AVEN: variants seen among roughly 807,000 people sequenced by gnomAD.
AVEN encodes the protein apoptosis and caspase activation inhibitor.
AVEN carries 41 observed loss-of-function variants against 38.1 expected under a neutral mutation model. That is an observed-to-expected ratio of 1.08 (90% CI 0.84 to 1.40). The LOEUF (loss-of-function observed/expected upper bound fraction) is 1.40, where lower values mean the gene tolerates loss of function less well. Ranked by LOEUF, AVEN falls within the 40% of genes most tolerant of loss-of-function variation. The pLI is 0.00. For missense variants in AVEN, 605 were observed against 438.8 expected (o/e 1.38, Z -3.38); for synonymous variants, 206 against 171.8 (o/e 1.20, Z -1.56).
At position 34,023,118 on chromosome 15, in the gene AVEN, C is replaced by T. The variant is rs79477724; in HGVS notation, c.267+15662G>A. Among the ~76,000 whole-genome samples the T allele has an allele frequency of 6.0e-3, 908 of 152,172 alleles. 20 individuals carry two copies. Among genetic ancestry groups the T allele is most frequent in the Admixed American group, 0.043 (658 of 15,280 alleles). ...AGAACTGCTTGAACCCAGGCAGAGG[C>T]TGCAGTGAACTGAGATCGCGCCACT... On this transcript the variant is annotated intron_variant, in intron 1 of 5. Transcript: ENST00000306730.
chr15:33,951,309 T>G (rs995138695), intron 2 of AVEN, among the ~76,000 whole-genome samples: 10 of 152,064 alleles, frequency 6.6e-5, no homozygotes, highest in African/African-American at 2.4e-4. Context: ...TAACAATTAA[T>G]AGTTTGACCA....
At chr15:34,038,312 T>A (rs1042741693) in intron 1 of AVEN, among the ~76,000 whole-genome samples, 2 of 152,222 alleles carry the variant, frequency 1.3e-5, no homozygotes, top group Admixed American at 6.5e-5. Context: ...GTACTAGGCA[T>A]TGCACAGACA....
At chr15:34,024,818 G>C (rs1898377256) in intron 1 of AVEN, among the ~76,000 whole-genome samples, 1 of 148,856 alleles carries the variant, frequency 6.7e-6, no homozygotes, top group Non-Finnish European at 1.5e-5. Flanking sequence ...CCGAGATCGT[G>C]CCATTGCACT....
intron 2 of AVEN, among the ~76,000 whole-genome samples, chr15:33,938,218 G>A (rs1248232492): frequency 6.6e-6 from 1 of 152,150 alleles, no homozygotes; most frequent in African/African-American, 2.4e-5. Context: ...TACTTTGGGA[G>A]GCCGAGGTGG....
chr15:34,023,237 G>A (rs974565485), intron 1 of AVEN, among the ~76,000 whole-genome samples: 1 of 151,726 alleles, frequency 6.6e-6, no homozygotes, highest in African/African-American at 2.4e-5. Flanking sequence ...CCCCACTCAG[G>A]TTGCTACTCC....
chr15:34,059,086 A>G (rs566383721), intron 5 of AVEN, among the ~76,000 whole-genome samples: 1 of 149,554 alleles, frequency 6.7e-6, no homozygotes, highest in East Asian at 1.9e-4. Flanking sequence ...TAGTAGAGAC[A>G]GGGTTTCATC....
chr15:34,069,641 G>A (rs1900590884), intron 2 of AVEN, among the ~76,000 whole-genome samples: 1 of 152,114 alleles, frequency 6.6e-6, no homozygotes, highest in Admixed American at 6.5e-5. Flanking sequence ...GATGTTTTAA[G>A]TACACTAACC....
downstream of AVEN, among the ~76,000 whole-genome samples, chr15:33,854,083 C>G (rs577560774): frequency 1.3e-5 from 2 of 151,982 alleles, no homozygotes; most frequent in South Asian, 2.1e-4. Flanking sequence ...GTAGTCCCAG[C>G]TGCTTGGGAG....
Position 33,867,692 on chromosome 15 carries a change from T to G in AVEN, c.776A>C (p.Asn259Thr), listed in dbSNP as rs1269131038. The G allele has an allele frequency of 6.2e-7, 1 of 1,613,978 alleles. No individual in the cohort carries two copies. The highest frequency in any genetic ancestry group is 2.2e-5 in the East Asian group (1 of 44,880). The stretch of plus-strand genomic sequence containing the variant: ...ATCCCTTGAAGGACCCGGGCTTGGG[T>G]TGTCTTTGCCCAGCAACACAGGGCA... ...AGCPVLLGKD[N>T]PSPGPSRDSQ... Residue 259 changes from asparagine (N) to threonine (T), a missense_variant, in exon 5 of 6, where the codon AAC (asparagine) becomes ACC (threonine). Asn to Thr is a moderately conservative substitution (Grantham distance 65). Coordinates refer to ENST00000306730, the MANE Select transcript of AVEN (RefSeq NM_020371.3).
At chr15:33,918,698 G>A (rs932137285) in intron 2 of AVEN, among the ~76,000 whole-genome samples, 2 of 151,610 alleles carry the variant, frequency 1.3e-5, no homozygotes, top group Non-Finnish European at 2.9e-5. Flanking sequence ...CAGGTGATCT[G>A]CCCGCCTCAG....
At chr15:33,909,142 A>G (rs985681988) in intron 2 of AVEN, among the ~76,000 whole-genome samples, 1 of 152,162 alleles carries the variant, frequency 6.6e-6, no homozygotes, top group Non-Finnish European at 1.5e-5. Context: ...CTGGTTACAA[A>G]GAGGAATAAA....
At chr15:33,933,524 C>CACACACACAGAGAGAG (rs1893945145) in intron 2 of AVEN, among the ~76,000 whole-genome samples, 5 of 46,648 alleles carry the variant, frequency 1.1e-4, no homozygotes, top group Non-Finnish European at 1.3e-4. Context: ...CACACACACA[C>CACACACACAGAGAGAG]AGAGAGAGAG....
chr15:34,002,078 A>G (rs994228366), intron 2 of AVEN, among the ~76,000 whole-genome samples: 1 of 152,194 alleles, frequency 6.6e-6, no homozygotes, highest in African/African-American at 2.4e-5. Context: ...AGTTTACCCC[A>G]ATGATAACAT....
chr15:33,861,914 T>G (rs1888383153), downstream of AVEN, among the ~76,000 whole-genome samples: 1 of 152,076 alleles, frequency 6.6e-6, no homozygotes, highest in African/African-American at 2.4e-5. Flanking sequence ...TGAGCCACTG[T>G]GCCCAGCCTC....
At chr15:33,995,107 G>T (rs2140587123) in intron 2 of AVEN, among the ~76,000 whole-genome samples, 1 of 152,164 alleles carries the variant, frequency 6.6e-6, no homozygotes, top group Middle Eastern at 3.4e-3. Context: ...ACAAAAAAAT[G>T]AAGAAATCAG....
At chr15:33,984,564 G>A (rs540023896) in intron 2 of AVEN, among the ~76,000 whole-genome samples, 11 of 152,076 alleles carry the variant, frequency 7.2e-5, no homozygotes, top group East Asian at 1.9e-4. Context: ...CATCACACCC[G>A]GCTAATTTTG....
At chr15:33,895,604 C>T (rs1412990394) in intron 2 of AVEN, among the ~76,000 whole-genome samples, 1 of 152,148 alleles carries the variant, frequency 6.6e-6, no homozygotes, top group Non-Finnish European at 1.5e-5. Flanking sequence ...GAATTACAGG[C>T]ATGAGCCACC....
intron 2 of AVEN, among the ~76,000 whole-genome samples, chr15:33,926,251 GCTC>G (rs1175766939): frequency 6.6e-6 from 1 of 152,106 alleles, no homozygotes; most frequent in Non-Finnish European, 1.5e-5. Context: ...CCTATTTATG[GCTC>G]CTTTCATTCT....
intron 2 of AVEN, among the ~76,000 whole-genome samples, chr15:33,926,779 C>T (rs1284897899): frequency 9.9e-5 from 15 of 152,044 alleles, no homozygotes; most frequent in Admixed American, 9.8e-4. Context: ...CTCAGCCTCC[C>T]GAGTAGCTGG....
Sources: gnomAD v4.1 joint callset for allele counts (sites outside exome capture counted in the v4.1 genomes callset) on GRCh38, gnomAD v4.1.1 for gene constraint, MANE v1.5 for transcripts, NCBI Gene and HGNC (gene_info 2026-07-23, HGNC 2026-07-21) for gene names.